The following KDM6A variants were observed in gnomAD, a reference collection of about 807,000 sequenced individuals.
The protein encoded by KDM6A is lysine demethylase 6A.
KDM6A carries 11 observed loss-of-function variants against 117.6 expected under a neutral mutation model. The observed-to-expected ratio is 0.09, with a 90% CI of 0.06 to 0.15. The LOEUF (loss-of-function observed/expected upper bound fraction) is 0.15, where lower values mean the gene tolerates loss of function less well. Among genes scored for constraint, KDM6A ranks in the 10% least tolerant of loss-of-function variants. The probability of loss-of-function intolerance (pLI) is 1.00; values close to 1 mark genes in which losing one functional copy is unlikely to be tolerated. For missense variants in KDM6A, 799 were observed against 1,077.3 expected, an observed-to-expected ratio of 0.74 and a Z score of 3.62; for synonymous variants, 384 against 396.1, an observed-to-expected ratio of 0.97 and a Z score of 0.36.
At chrX:45,004,705 T>C (rs903226739) in intron 4 of KDM6A, among the ~76,000 whole-genome samples, 1 of 111,595 alleles carries the variant, frequency 9.0e-6, no homozygotes, top group Admixed American at 9.5e-5. Context: ...TCTTAGATCC[T>C]GCATATTTTC....
intron 2 of KDM6A, among the ~76,000 whole-genome samples, chrX:44,952,271 CTTT>C (rs35385542): frequency 2.2e-5 from 2 of 89,929 alleles, no homozygotes; most frequent in East Asian, 3.3e-4. Context: ...TTCTACTGAC[CTTT>C]TTTTTTTTTT....
At position 45,005,405 on chromosome X, in the gene KDM6A, A is replaced by G. The variant is rs748468159; in HGVS notation, c.385-5556A>G. 7.2e-5 allele frequency among the ~76,000 whole-genome samples: 8 copies of G among 110,598 alleles called. No homozygotes were observed. The South Asian group carries it at 2.7e-3, about 38-fold the overall frequency. ...GAGGTGCCAGATTGGGTTCTTCCCT[A>G]TTTGTTTTTAAGGGAAAAAGGAGGG... On this transcript the variant is annotated intron_variant, in intron 4 of 29. Coordinates refer to ENST00000611820, the MANE Select transcript of KDM6A (RefSeq NM_001291415.2).
intron 2 of KDM6A, among the ~76,000 whole-genome samples, chrX:44,950,038 A>G (rs1180625556): frequency 9.3e-6 from 1 of 107,413 alleles, no homozygotes. Context: ...TTTTTTTGAG[A>G]TGGAGTCTCG....
intron 4 of KDM6A, among the ~76,000 whole-genome samples, chrX:45,000,187 A>G (rs989380452): frequency 1.8e-5 from 2 of 112,350 alleles, no homozygotes; most frequent in Non-Finnish European, 3.8e-5. Context: ...CTTTAACAGC[A>G]TCTCTAGTGT....
intron 2 of KDM6A, among the ~76,000 whole-genome samples, chrX:44,940,843 C>T (rs1255412642): frequency 9.0e-6 from 1 of 111,333 alleles, no homozygotes; most frequent in Non-Finnish European, 1.9e-5. Context: ...GGAGACCAGC[C>T]TGACCAACAT....
At position 44,886,491 on chromosome X, in the gene KDM6A, CT is replaced by C. The variant is rs759245220; in HGVS notation, c.225+12520del. 6.5e-3 allele frequency among the ~76,000 whole-genome samples: 637 copies of C among 97,459 alleles called. 2 individuals carry two copies. The highest frequency in any genetic ancestry group is 0.017 in the African/African-American group (463 of 26,564). The allele number at this position is 97,459 out of a possible 115,157, so 84.6% of individuals were successfully genotyped here. A position where few individuals can be genotyped will look rare whatever the true frequency, so the allele number is the denominator to read the frequency against. On this transcript the variant is annotated intron_variant, in intron 2 of 29. Transcript: ENST00000611820. ...TAGCCATAGTTATACTACTTACTATCTTTTTTTTTTTTTTTTGAGACAGAGT... is the reference window on the plus strand; with the variant it reads ...TAGCCATAGTTATACTACTTACTATCTTTTTTTTTTTTTTTGAGACAGAGT...
At position 44,876,180 on chromosome X, in the gene KDM6A, A is replaced by AT. The variant is rs780920181; in HGVS notation, c.225+2195dup. Among the ~76,000 whole-genome samples, 430 of 111,832 alleles carry AT rather than the reference A, an allele frequency of 3.8e-3. 7 individuals carry two copies. The highest frequency in any genetic ancestry group is 0.013 in the African/African-American group (412 of 30,832). On this transcript the variant is annotated intron_variant, in intron 2 of 29. Coordinates refer to ENST00000611820, the MANE Select transcript of KDM6A (RefSeq NM_001291415.2). ...AGGTGTCCTACCTGCTTAGGACAAG[A>AT]TTCATCAGCCTTAACATTAAAATAA...
At chrX:44,960,385 C>T (rs1367306923) in intron 2 of KDM6A, among the ~76,000 whole-genome samples, 1 of 111,584 alleles carries the variant, frequency 9.0e-6, no homozygotes, top group Admixed American at 9.5e-5. Context: ...AGAATTAGAG[C>T]TTTGTTATTA....
intron 6 of KDM6A, among the ~76,000 whole-genome samples, chrX:45,023,767 A>G (rs920608746): frequency 9.0e-6 from 1 of 110,763 alleles, no homozygotes; most frequent in Non-Finnish European, 1.9e-5. Context: ...ACTGTACCCA[A>G]TGTGTAGTCT....
chrX:45,090,040 C>T (rs1205802646), intron 26 of KDM6A, 110 bp downstream of exon 26: 3 of 563,543 alleles, frequency 5.3e-6, no homozygotes, highest in African/African-American at 2.4e-5. Context: ...AGAAGAATGA[C>T]TCCTTGCATA....
chrX:45,106,135 G>T (rs761419192), intron 27 of KDM6A, among the ~76,000 whole-genome samples: 13 of 111,085 alleles, frequency 1.2e-4, no homozygotes, highest in African/African-American at 3.9e-4. Context: ...AAATATGCAA[G>T]AATTGTTGAA....
intron 27 of KDM6A, among the ~76,000 whole-genome samples, chrX:45,095,569 A>G (rs1352692904): frequency 8.9e-6 from 1 of 111,940 alleles, no homozygotes; most frequent in Admixed American, 9.5e-5. Context: ...TGTTATATCC[A>G]TATCATTGCT....
chrX:44,940,019 C>CCTT (rs1225411429), intron 2 of KDM6A, among the ~76,000 whole-genome samples: 11 of 111,969 alleles, frequency 9.8e-5, no homozygotes, highest in Middle Eastern at 9.3e-3. Flanking sequence ...CCAATTATCC[C>CCTT]CAAAGTATGC....
intron 27 of KDM6A, among the ~76,000 whole-genome samples, chrX:45,099,967 G>A (rs2046275394): frequency 9.1e-6 from 1 of 109,827 alleles, no homozygotes; most frequent in African/African-American, 3.3e-5. Flanking sequence ...TCGGGAAGTG[G>A]AGGTTGCAGT....
intron 2 of KDM6A, among the ~76,000 whole-genome samples, chrX:44,932,084 C>CTTT (rs796121677): frequency 0.032 from 541 of 17,095 alleles, 139 homozygotes; most frequent in African/African-American, 0.12. Context: ...TCTAGGTAGC[C>CTTT]TTTTTTTTTT....
At chrX:44,992,925 T>C (rs757123677) in intron 4 of KDM6A, among the ~76,000 whole-genome samples, 12 of 112,226 alleles carry the variant, frequency 1.1e-4, no homozygotes, top group Non-Finnish European at 2.1e-4. Context: ...AGTCATGATA[T>C]ATAGTTGTCA....
intron 6 of KDM6A, among the ~76,000 whole-genome samples, chrX:45,025,015 T>C (rs1349910553): frequency 8.9e-6 from 1 of 112,446 alleles, no homozygotes; most frequent in African/African-American, 3.2e-5. Flanking sequence ...GCAGTGGAGA[T>C]ACCAATTCTT....
At chrX:45,024,125 T>A (rs1278800958) in intron 6 of KDM6A, among the ~76,000 whole-genome samples, 2 of 112,338 alleles carry the variant, frequency 1.8e-5, no homozygotes, top group African/African-American at 6.5e-5. Flanking sequence ...CTTTATATAA[T>A]GACTTCTTTT....
At chrX:45,019,204 T>G (rs1237123058) in intron 5 of KDM6A, among the ~76,000 whole-genome samples, 1 of 111,279 alleles carries the variant, frequency 9.0e-6, no homozygotes, top group Non-Finnish European at 1.9e-5. Context: ...CCACAGTTTT[T>G]GCCTGTCAGT....
Sources: allele counts gnomAD v4.1 joint callset (sites outside exome capture counted in the v4.1 genomes callset), GRCh38; gene constraint gnomAD v4.1.1; transcripts MANE v1.5; gene names NCBI Gene and HGNC (gene_info 2026-07-23, HGNC 2026-07-21).